The following PTPRB variants were observed in gnomAD, a reference collection of about 807,000 sequenced individuals.
The protein encoded by PTPRB is protein tyrosine phosphatase receptor type B, also known as receptor-type tyrosine-protein phosphatase beta.
A neutral mutation model predicts 238.1 loss-of-function variants in PTPRB; 97 were observed. The ratio of observed to expected loss-of-function variants is 0.41; its 90% CI spans 0.35 to 0.48. The LOEUF is 0.48. Among genes scored for constraint, PTPRB ranks in the 20% least tolerant of loss-of-function variants. PTPRB has a pLI of 0.30. For synonymous variants in PTPRB, 970 were observed against 995.4 expected, an observed-to-expected ratio of 0.97 and a Z score of 0.48; for missense variants, 2,292 against 2,681.9, an observed-to-expected ratio of 0.85 and a Z score of 3.21.
At position 70,520,886 on chromosome 12, in the gene PTPRB, G is replaced by A. The variant is rs1871579871; in HGVS notation, c.*603C>T. The A allele has an allele frequency of 6.6e-6, 1 of 152,406 alleles. No homozygotes were observed. Among genetic ancestry groups the A allele is most frequent in the South Asian group, 2.1e-4 (1 of 4,848 alleles). 9.4% of individuals were successfully genotyped at this position (152,406 alleles called of 1,614,324 possible). On this transcript the variant is annotated 3_prime_UTR_variant, in exon 34 of 34. Transcript: ENST00000334414. Reference sequence around the variant, plus strand: ...TGAATCCCTGGAAGGAGAAAGGAGAGAGAGAGCAACTAGTTCAGACACAAG... The same window carrying A: ...TGAATCCCTGGAAGGAGAAAGGAGAAAGAGAGCAACTAGTTCAGACACAAG...
chr12:70,598,056 G>C (rs1222853304), intron 4 of PTPRB, among the ~76,000 whole-genome samples: 1 of 152,126 alleles, frequency 6.6e-6, no homozygotes, highest in African/African-American at 2.4e-5. Flanking sequence ...AATTAACAGA[G>C]TGCCCGAAAC....
At chr12:70,555,849 C>A in intron 19 of PTPRB, 21 bp downstream of exon 19, 1 of 1,608,742 alleles carries the variant, frequency 6.2e-7, no homozygotes, top group Non-Finnish European at 8.5e-7. Flanking sequence ...AGGCTCTGTG[C>A]GCACCTCCAG....
Position 70,555,314 on chromosome 12 carries a change from A to C in PTPRB, c.4994-5T>G. 5.0e-6 allele frequency: 8 copies of C among 1,608,770 alleles called. No homozygotes were observed. Among genetic ancestry groups the C allele is most frequent in the African/African-American group, 1.3e-5 (1 of 74,962 alleles). On this transcript the variant is annotated splice_region_variant and splice_polypyrimidine_tract_variant and intron_variant, in intron 19 of 33. Transcript: ENST00000334414. ...GTGGGGGTGGAGGAGGGGGGCCTGG[A>C]AAAAGAGGTGGGGAAGGAACCAAGA...
At chr12:70,586,660 A>G (rs1360519879) in intron 9 of PTPRB, among the ~76,000 whole-genome samples, 1 of 152,156 alleles carries the variant, frequency 6.6e-6, no homozygotes, top group Non-Finnish European at 1.5e-5. Flanking sequence ...CCAGCATAAA[A>G]CATGCTGTTA....
At chr12:70,626,195 T>C (rs1461884421) in intron 2 of PTPRB, among the ~76,000 whole-genome samples, 2 of 147,760 alleles carry the variant, frequency 1.4e-5, no homozygotes, top group East Asian at 3.9e-4. Flanking sequence ...TGTAGGAAGA[T>C]GCCAAATATA....
At chr12:70,585,460 G>A (rs956487939) in intron 9 of PTPRB, among the ~76,000 whole-genome samples, 170 of 152,064 alleles carry the variant, frequency 1.1e-3, no homozygotes, top group Non-Finnish European at 1.3e-3. Flanking sequence ...CAAGGAGGGA[G>A]GTGACTGGAT....
chr12:70,528,267 G>GAGTA (rs1872686956), intron 32 of PTPRB, among the ~76,000 whole-genome samples: 1 of 152,112 alleles, frequency 6.6e-6, no homozygotes, highest in East Asian at 1.9e-4. Context: ...GAAGCTGGAG[G>GAGTA]AGTAAGTAGG....
At chr12:70,615,413 C>T (rs1032940873) in intron 3 of PTPRB, among the ~76,000 whole-genome samples, 4 of 152,170 alleles carry the variant, frequency 2.6e-5, no homozygotes, top group African/African-American at 4.8e-5. Flanking sequence ...CAGCAGGCTC[C>T]ACTGTCTCTC....
chr12:70,630,860 C>A (rs1219434851), intron 2 of PTPRB, among the ~76,000 whole-genome samples: 1 of 152,120 alleles, frequency 6.6e-6, no homozygotes, highest in Admixed American at 6.6e-5. Context: ...ACCTAGGAAT[C>A]CAACTTACAA....
chr12:70,576,237 T>A, intron 11 of PTPRB, 145 bp downstream of exon 11: 2 of 848,042 alleles, frequency 2.4e-6, no homozygotes, highest in Non-Finnish European at 3.6e-6. Flanking sequence ...AGGAGTTTCT[T>A]GGGTTAAAAT....
intron 21 of PTPRB, among the ~76,000 whole-genome samples, chr12:70,552,303 G>A (rs1000194234): frequency 1.2e-4 from 19 of 152,136 alleles, no homozygotes; most frequent in African/African-American, 4.6e-4. Context: ...GGCCAACATG[G>A]TGAAACCCCA....
In PTPRB at chr12:70,635,721, T is replaced by A; in HGVS notation, c.401A>T (p.Asp134Val). Reference sequence around the variant, plus strand: ...GACCAGTTTTCCCTCCTTGTTGACATCTATTTTCATCCAGCTATGGAGGTA... The same window carrying A: ...GACCAGTTTTCCCTCCTTGTTGACAACTATTTTCATCCAGCTATGGAGGTA... ...RKYLHSWMKIDVNKEGKLVNE... is the reference protein window; with the variant it reads ...RKYLHSWMKIVVNKEGKLVNE... Residue 134 changes from aspartate to valine, a missense_variant, in exon 2 of 34, where the codon GAT becomes GTT. Transcript: ENST00000334414. 6.2e-7 allele frequency: 1 copy of A among 1,613,958 alleles called. No individual in the cohort carries two copies. Among genetic ancestry groups the A allele is most frequent in the Middle Eastern group, 1.6e-4 (1 of 6,062 alleles).
chr12:70,613,697 G>A (rs1426129726), intron 3 of PTPRB, among the ~76,000 whole-genome samples: 1 of 152,138 alleles, frequency 6.6e-6, no homozygotes, highest in Non-Finnish European at 1.5e-5. Flanking sequence ...TCATATGGAG[G>A]ATTCTGTTAG....
At chr12:70,581,368 G>T in intron 9 of PTPRB, 66 bp from the exon 10 acceptor site, 2 of 1,478,906 alleles carry the variant, frequency 1.4e-6, no homozygotes, top group Admixed American at 4.7e-5. Context: ...TAAGAAAAAT[G>T]AGTCAAAAAA....
At chr12:70,569,172 G>A (rs2034009) in intron 14 of PTPRB, among the ~76,000 whole-genome samples, 34,968 of 151,896 alleles carry the variant, frequency 0.23, 4,687 homozygotes, top group African/African-American at 0.37. Context: ...GCACGATCAC[G>A]ACTCACTGCA....
At chr12:70,530,113 GATTTCAGAGAC>G (rs60953929) in intron 32 of PTPRB, among the ~76,000 whole-genome samples, 7,855 of 152,166 alleles carry the variant, frequency 0.052, 674 homozygotes, top group African/African-American at 0.18. Context: ...ATTATAGAAA[GATTTCAGAGAC>G]ACTTCAACCA....
Position 70,636,008 on chromosome 12 carries a change from C to T in PTPRB, c.114G>A (p.Val38=), listed in dbSNP as rs763867949. ...KQQCLFKNEK[V]VVGSCNRTIQ... is the part of the protein sequence containing the mutation. ...TGGTCCTGTTGCATGAGCCCACGAC[C>T]ACTTTCTCATTTTTGAAAAGACACT... The change falls in exon 2 of 34, where the codon GTG becomes GTA. Residue 38 remains valine (V), a synonymous_variant. Transcript: ENST00000334414. 1.9e-6 allele frequency: 3 copies of T among 1,613,602 alleles called. No homozygotes were observed. Among genetic ancestry groups the T allele is most frequent in the Admixed American group, 3.3e-5 (2 of 59,950 alleles).
At chr12:70,590,283 G>T in intron 7 of PTPRB, 50 bp from the exon 8 acceptor site, 1 of 1,479,604 alleles carries the variant, frequency 6.8e-7, no homozygotes, top group South Asian at 1.4e-5. Context: ...CCAAAAGTAA[G>T]GATACTCATT....
chr12:70,538,019 G>T, intron 28 of PTPRB, 136 bp downstream of exon 28: 3 of 632,736 alleles, frequency 4.7e-6, no homozygotes, highest in East Asian at 2.8e-5. Context: ...TTTTTTTATG[G>T]CATTCAGATG....
Sources: allele counts gnomAD v4.1 joint callset (sites outside exome capture counted in the v4.1 genomes callset), GRCh38; gene constraint gnomAD v4.1.1; transcripts MANE v1.5; gene names NCBI Gene and HGNC (gene_info 2026-07-23, HGNC 2026-07-21).